Variants in TIAM1 observed in about 807,000 individuals in gnomAD.
TIAM1 encodes rho guanine nucleotide exchange factor TIAM1.
Under a neutral mutation model 163.5 loss-of-function variants are expected in TIAM1, and 65 were observed. That is an observed-to-expected ratio of 0.40 (90% CI 0.33 to 0.49). The LOEUF is 0.49. Among genes scored for constraint, TIAM1 ranks in the 20% least tolerant of loss-of-function variants. The probability of loss-of-function intolerance (pLI) is 0.77; values close to 1 mark genes in which losing one functional copy is unlikely to be tolerated. For synonymous variants in TIAM1, 833 were observed against 810.1 expected (o/e 1.03, Z -0.48); for missense variants, 1,789 against 2,044.7 (o/e 0.87, Z 2.41).
In TIAM1 at chr21:31,490,598, T is replaced by C. The variant is rs1602407079; in HGVS notation, c.-421-26563A>G. On this transcript the variant is annotated intron_variant, in intron 1 of 28. Transcript: ENST00000286827. Reference sequence around the variant, plus strand: ...GCCCCAGCCTGAAATAAGCCAGATATAAACCAATGAGAGCCTCCCATTACT... The same window carrying C: ...GCCCCAGCCTGAAATAAGCCAGATACAAACCAATGAGAGCCTCCCATTACT... Among the ~76,000 whole-genome samples the C allele has an allele frequency of 3.3e-5, 5 of 152,226 alleles. No homozygotes were observed. The Middle Eastern group carries it at 0.017, about 518-fold the overall frequency.
intron 1 of TIAM1, among the ~76,000 whole-genome samples, chr21:31,518,295 G>T (rs908549126): frequency 2.0e-5 from 3 of 150,780 alleles, no homozygotes; most frequent in Admixed American, 6.6e-5. Context: ...GTTTTTTGGG[G>T]TTTTTTTTTG....
At chr21:31,145,934 C>T (rs2083086290) in intron 20 of TIAM1, among the ~76,000 whole-genome samples, 1 of 152,112 alleles carries the variant, frequency 6.6e-6, no homozygotes, top group African/African-American at 2.4e-5. Flanking sequence ...TGCTGTACAT[C>T]GTGTCACTTA....
chr21:31,495,678 T>C (rs1358222594), intron 1 of TIAM1, among the ~76,000 whole-genome samples: 1 of 152,184 alleles, frequency 6.6e-6, no homozygotes, highest in Non-Finnish European at 1.5e-5. Flanking sequence ...AGTGCTCTTA[T>C]TACAATGGAG....
intron 12 of TIAM1, among the ~76,000 whole-genome samples, chr21:31,201,910 A>G (rs1362678803): frequency 6.6e-6 from 1 of 152,250 alleles, no homozygotes; most frequent in East Asian, 1.9e-4. Flanking sequence ...GCTTACTGCA[A>G]TAACAACCAT....
intron 2 of TIAM1, among the ~76,000 whole-genome samples, chr21:31,446,455 A>G (rs502986): frequency 0.82 from 124,857 of 152,170 alleles, 51,577 homozygotes; most frequent in East Asian, 0.92. Context: ...ATCACTTTCA[A>G]AGAGCATGCT....
At chr21:31,152,484 G>T in intron 19 of TIAM1, 152 bp downstream of exon 19, 1 of 1,088,176 alleles carries the variant, frequency 9.2e-7, no homozygotes, top group Non-Finnish European at 1.3e-6. Context: ...CCCTTAGCCA[G>T]ACCAGCAAGA....
chr21:31,370,494 G>A (rs564383863), intron 2 of TIAM1, among the ~76,000 whole-genome samples: 13 of 152,230 alleles, frequency 8.5e-5, no homozygotes, highest in South Asian at 6.2e-4. Flanking sequence ...GTGTGCACGC[G>A]CATGTGTGTG....
chr21:31,339,557 C>A, intron 1 of TIAM1, 135 bp from the exon 2 acceptor site: 1 of 395,232 alleles, frequency 2.5e-6, no homozygotes, highest in Non-Finnish European at 4.5e-6. Flanking sequence ...ACACTCAATA[C>A]ATTAGAGTAT....
At chr21:31,410,950 A>T (rs1219895981) in intron 2 of TIAM1, among the ~76,000 whole-genome samples, 1 of 152,202 alleles carries the variant, frequency 6.6e-6, no homozygotes, top group African/African-American at 2.4e-5. Flanking sequence ...GGACGATGTT[A>T]CAAAGAGCCC....
chr21:31,257,114 G>A (rs980438706), intron 4 of TIAM1, among the ~76,000 whole-genome samples: 1 of 152,142 alleles, frequency 6.6e-6, no homozygotes, highest in Admixed American at 6.5e-5. Context: ...AAATGGTGAC[G>A]TTCTCTACAT....
chr21:31,327,888 C>A (rs1433372459), intron 2 of TIAM1, among the ~76,000 whole-genome samples: 4 of 152,018 alleles, frequency 2.6e-5, no homozygotes, highest in Non-Finnish European at 1.5e-5. Context: ...TGGACCTAAA[C>A]CAGATCGTGT....
At chr21:31,337,509 A>ATTGTTG (rs1418868772) in intron 2 of TIAM1, among the ~76,000 whole-genome samples, 43 of 137,958 alleles carry the variant, frequency 3.1e-4, no homozygotes, top group African/African-American at 1.2e-3. Flanking sequence ...TTTTATTATT[A>ATTGTTG]TTATTGTTGT....
chr21:31,220,582 T>C (rs181570673), intron 8 of TIAM1, among the ~76,000 whole-genome samples: 220 of 152,340 alleles, frequency 1.4e-3, no homozygotes, highest in Non-Finnish European at 2.2e-3. Context: ...CATACACCCA[T>C]AAATATTCTC....
In TIAM1 at chr21:31,234,444, AT is replaced by A. The variant is rs749115888; in HGVS notation, c.1585-8495del. On this transcript the variant is annotated intron_variant, in intron 6 of 27. Coordinates refer to ENST00000541036, the MANE Select transcript of TIAM1 (RefSeq NM_001353694.2). ...AGCTTCTTTTAGGAATTAAAAAAAA[AT>A]AACCAAAATTAAAATGTCAATAGAA... Among the ~76,000 whole-genome samples, 122 of 152,128 alleles carry A rather than the reference AT, an allele frequency of 8.0e-4. 1 individual carries two copies. The highest frequency in any genetic ancestry group is 2.8e-4 in the Non-Finnish European group (19 of 68,008).
chr21:31,243,205 A>AT (rs1555902456), intron 6 of TIAM1, among the ~76,000 whole-genome samples: 1,577 of 125,322 alleles, frequency 0.013, 17 homozygotes, highest in African/African-American at 0.036. Flanking sequence ...AAAAAAAAAA[A>AT]AAAAATATAT....
intron 2 of TIAM1, among the ~76,000 whole-genome samples, chr21:31,291,737 G>T (rs1469742594): frequency 6.6e-6 from 1 of 152,190 alleles, no homozygotes; most frequent in Middle Eastern, 3.2e-3. Context: ...TGGCCAGGCT[G>T]GTCTTGAACT....
chr21:31,443,983 G>C (rs2044527640), intron 2 of TIAM1, among the ~76,000 whole-genome samples: 1 of 152,192 alleles, frequency 6.6e-6, no homozygotes, highest in African/African-American at 2.4e-5. Context: ...ATGGGAGGCA[G>C]CCTCTCAAAG....
intron 1 of TIAM1, among the ~76,000 whole-genome samples, chr21:31,496,899 T>C (rs561552159): frequency 1.3e-5 from 2 of 152,296 alleles, no homozygotes; most frequent in East Asian, 3.9e-4. Flanking sequence ...ATGAAGCTGC[T>C]CCACCTCAGA....
At chr21:31,453,994 C>T (rs1364700240) in intron 2 of TIAM1, among the ~76,000 whole-genome samples, 2 of 152,180 alleles carry the variant, frequency 1.3e-5, no homozygotes, top group African/African-American at 4.8e-5. Flanking sequence ...GACACATTTC[C>T]TTCCATTGTT....
Sources: allele counts gnomAD v4.1 joint callset (sites outside exome capture counted in the v4.1 genomes callset), GRCh38; gene constraint gnomAD v4.1.1; transcripts MANE v1.5; gene names NCBI Gene and HGNC (gene_info 2026-07-23, HGNC 2026-07-21).